AKAP7: variants seen among roughly 807,000 people sequenced by gnomAD.
The protein encoded by AKAP7 is A kinase (PRKA) anchor protein 7.
Under a neutral mutation model 39.5 loss-of-function variants are expected in AKAP7, and 39 were observed. The ratio of observed to expected loss-of-function variants is 0.99; its 90% CI spans 0.76 to 1.29. The LOEUF is 1.29. AKAP7 is among the 50% of genes most tolerant of loss of function. The pLI is 0.00. For missense variants in AKAP7, 414 were observed against 407.7 expected, an observed-to-expected ratio of 1.02 and a Z score of -0.13; for synonymous variants, 140 against 139.1, an observed-to-expected ratio of 1.01 and a Z score of -0.05.
chr6:131,267,376 G>T (rs1182280857), intron 7 of AKAP7, among the ~76,000 whole-genome samples: 1 of 152,194 alleles, frequency 6.6e-6, no homozygotes, highest in Non-Finnish European at 1.5e-5. Flanking sequence ...AACATGAGCA[G>T]TTTTCTGAAA....
intron 7 of AKAP7, among the ~76,000 whole-genome samples, chr6:131,257,951 T>G (rs988914126): frequency 3.3e-5 from 5 of 152,348 alleles, no homozygotes; most frequent in Admixed American, 1.3e-4. Context: ...AGCTGACTTC[T>G]AAGGTGACTG....
intron 5 of AKAP7, among the ~76,000 whole-genome samples, chr6:131,171,694 A>G (rs1011026657): frequency 6.6e-6 from 1 of 152,174 alleles, no homozygotes; most frequent in Non-Finnish European, 1.5e-5. Context: ...GAAATTTGTA[A>G]TGGTACTAAT....
At chr6:131,219,252 T>C (rs1809484954) in intron 6 of AKAP7, among the ~76,000 whole-genome samples, 1 of 147,406 alleles carries the variant, frequency 6.8e-6, no homozygotes, top group Admixed American at 6.9e-5. Flanking sequence ...ATCGCGCCAC[T>C]GCACTCCAGC....
chr6:131,236,237 G>C (rs943154898), intron 7 of AKAP7, among the ~76,000 whole-genome samples: 1 of 152,116 alleles, frequency 6.6e-6, no homozygotes, highest in African/African-American at 2.4e-5. Context: ...TTATTTCTGA[G>C]TGCTCTGTTC....
chr6:131,245,217 G>A (rs1337909069), intron 7 of AKAP7, among the ~76,000 whole-genome samples: 1 of 150,726 alleles, frequency 6.6e-6, no homozygotes, highest in Non-Finnish European at 1.5e-5. Flanking sequence ...CTGGCCTATT[G>A]TGGATTGATT....
Position 131,282,083 on chromosome 6 carries a change from G to T in AKAP7, c.*357G>T. 1 of 1,142,702 alleles carries T rather than the reference G, an allele frequency of 8.8e-7. No homozygotes were observed. Among genetic ancestry groups the T allele is most frequent in the Non-Finnish European group, 1.1e-6 (1 of 932,050 alleles). 70.8% of individuals were successfully genotyped at this position (1,142,702 alleles called of 1,614,324 possible). A position where few individuals can be genotyped will look rare whatever the true frequency, so the allele number is the denominator to read the frequency against. ...ATACTGCCATTTATATTGCTTAGCAGGGCATTTGACTACTTTATCTGAGGC... is the reference window on the plus strand; with the variant it reads ...ATACTGCCATTTATATTGCTTAGCATGGCATTTGACTACTTTATCTGAGGC... On this transcript the variant is annotated 3_prime_UTR_variant, in exon 8 of 8. Coordinates refer to ENST00000431975, the MANE Select transcript of AKAP7 (RefSeq NM_016377.4).
chr6:131,179,941 T>C (rs1804987852), intron 5 of AKAP7, among the ~76,000 whole-genome samples: 1 of 152,162 alleles, frequency 6.6e-6, no homozygotes, highest in Admixed American at 6.5e-5. Context: ...ATCAAAAGAA[T>C]GAGAAAATGA....
At chr6:131,143,744 T>C (rs1280059887) in intron 1 of AKAP7, among the ~76,000 whole-genome samples, 1 of 133,896 alleles carries the variant, frequency 7.5e-6, no homozygotes, top group Admixed American at 7.3e-5. Flanking sequence ...TATTCTTTTT[T>C]TTTTTTTATT....
rs1165692622 is a variant in AKAP7, at chr6:131,245,279, A to G, written c.850+25471A>G. 4.1e-5 allele frequency among the ~76,000 whole-genome samples: 6 copies of G among 145,904 alleles called. No homozygotes were observed. The South Asian group carries it at 1.1e-3, about 26-fold the overall frequency. ...TTTTTTTCTTGAGATGGAGTCTCACACTGTTGCCCGGGCTGGAGTGCAGTA... is the reference window on the plus strand; with the variant it reads ...TTTTTTTCTTGAGATGGAGTCTCACGCTGTTGCCCGGGCTGGAGTGCAGTA... On this transcript the variant is annotated intron_variant, in intron 7 of 7. Coordinates refer to ENST00000431975, the MANE Select transcript of AKAP7 (RefSeq NM_016377.4).
chr6:131,250,296 G>A lies in AKAP7; in HGVS notation c.850+30488G>A, dbSNP rs115353395. The A allele has an allele frequency of 3.5e-5, 44 of 1,239,892 alleles. No individual in the cohort carries two copies. The African/African-American group carries it at 5.6e-4, about 16-fold the overall frequency. The allele number at this position is 1,239,892 out of a possible 1,614,324, so 76.8% of individuals were successfully genotyped here. A position where few individuals can be genotyped will look rare whatever the true frequency, so the allele number is the denominator to read the frequency against. On this transcript the variant is annotated intron_variant, in intron 7 of 7. Transcript: ENST00000431975. ...GGGACTCACAGTTTTGTGAGAATAC[G>A]GGAGCGTATAGCCACTTCCTTCACT...
At chr6:131,133,434 C>T (rs1013642297), upstream of AKAP7, among the ~76,000 whole-genome samples, 3 of 152,196 alleles carry the variant, frequency 2.0e-5, no homozygotes, top group African/African-American at 7.2e-5. Flanking sequence ...CAAGGTTCAC[C>T]TTGTACTTCC....
In AKAP7 at chr6:131,235,869, C is replaced by T. The variant is rs574309017; in HGVS notation, c.850+16061C>T. On this transcript the variant is annotated intron_variant, in intron 7 of 7. Coordinates refer to ENST00000431975, the MANE Select transcript of AKAP7 (RefSeq NM_016377.4). ...TCCCATTCTGTATGTTGCCTGTTCA[C>T]ACTGATGGTAGTTTCTTTTGCTGTG... 7.9e-5 allele frequency among the ~76,000 whole-genome samples: 12 copies of T among 152,320 alleles called. No individual in the cohort carries two copies. The South Asian group carries it at 1.4e-3, about 18-fold the overall frequency.
At chr6:131,168,725 T>A (rs1327356034) in intron 4 of AKAP7, among the ~76,000 whole-genome samples, 1 of 152,236 alleles carries the variant, frequency 6.6e-6, no homozygotes, top group African/African-American at 2.4e-5. Context: ...ATTAGTACTT[T>A]CATCAAAAAT....
At chr6:131,250,186 G>T in intron 7 of AKAP7, 1 of 998,120 alleles carries the variant, frequency 1.0e-6, no homozygotes, top group Non-Finnish European at 1.2e-6. Context: ...GTAGGAGAAA[G>T]GGCTCATTGT....
At position 131,225,846 on chromosome 6, in the gene AKAP7, T is replaced by C. The variant is rs185287676; in HGVS notation, c.850+6038T>C. ...AGGGATTTAGTTTTAGAAATTATTTTCTAGGATTTCTTTTACACCCCATCA... is the reference window on the plus strand; with the variant it reads ...AGGGATTTAGTTTTAGAAATTATTTCCTAGGATTTCTTTTACACCCCATCA... On this transcript the variant is annotated intron_variant, in intron 7 of 7. Coordinates refer to ENST00000431975, the MANE Select transcript of AKAP7 (RefSeq NM_016377.4). 2.6e-5 allele frequency among the ~76,000 whole-genome samples: 4 copies of C among 152,354 alleles called. No homozygotes were observed. In the East Asian group the frequency reaches 5.8e-4, roughly 22 times the overall value.
At chr6:131,252,951 C>T (rs1397209304) in intron 7 of AKAP7, 3 of 1,371,688 alleles carry the variant, frequency 2.2e-6, no homozygotes, top group South Asian at 1.2e-5. Flanking sequence ...CTAGAATGTT[C>T]CTCCTTGAAG....
intron 7 of AKAP7, among the ~76,000 whole-genome samples, chr6:131,231,371 C>A (rs202030658): frequency 6.6e-6 from 1 of 150,450 alleles, no homozygotes; most frequent in African/African-American, 2.4e-5. Flanking sequence ...GTTTTTTTTT[C>A]TTTCTTTGCA....
At chr6:131,219,267 G>A (rs975610218) in intron 6 of AKAP7, among the ~76,000 whole-genome samples, 4 of 148,096 alleles carry the variant, frequency 2.7e-5, no homozygotes, top group Non-Finnish European at 5.9e-5. Context: ...TCCAGCCTGG[G>A]TGACAGAGTG....
At chr6:131,134,569 C>T (rs889327088), upstream of AKAP7, among the ~76,000 whole-genome samples, 2 of 152,178 alleles carry the variant, frequency 1.3e-5, no homozygotes, top group African/African-American at 4.8e-5. Flanking sequence ...CCTGCACATC[C>T]TCAGCACAGA....
Sources: allele counts gnomAD v4.1 joint callset (sites outside exome capture counted in the v4.1 genomes callset), GRCh38; gene constraint gnomAD v4.1.1; transcripts MANE v1.5; gene names NCBI Gene and HGNC (gene_info 2026-07-23, HGNC 2026-07-21).